Variants in PHYHIPL observed in about 807,000 individuals in gnomAD.
The protein encoded by PHYHIPL is phytanoyl-CoA hydroxylase-interacting protein-like.
PHYHIPL carries 9 observed loss-of-function variants against 33.4 expected under a neutral mutation model. That is an observed-to-expected ratio of 0.27 (90% CI 0.16 to 0.47). The LOEUF is 0.47. Among genes scored for constraint, PHYHIPL ranks in the 20% least tolerant of loss-of-function variants. PHYHIPL has a pLI of 0.99. For synonymous variants in PHYHIPL, 153 were observed against 154.1 expected (o/e 0.99, Z 0.05); for missense variants, 365 against 460.7 (o/e 0.79, Z 1.90).
chr10:59,183,804 G>T (rs1272514796), intron 1 of PHYHIPL: 1 of 345,328 alleles, frequency 2.9e-6, no homozygotes. Flanking sequence ...TACACCATTT[G>T]TTGTAGTGGT....
chr10:59,198,027 T>C (rs1467538110), intron 1 of PHYHIPL, among the ~76,000 whole-genome samples: 3 of 152,046 alleles, frequency 2.0e-5, no homozygotes, highest in Admixed American at 6.6e-5. Context: ...CTCTTTATTT[T>C]TTTTAAGTAT....
intron 1 of PHYHIPL, among the ~76,000 whole-genome samples, chr10:59,209,321 C>G (rs1464545743): frequency 6.6e-6 from 1 of 152,026 alleles, no homozygotes; most frequent in Admixed American, 6.6e-5. Flanking sequence ...TCATATCCAG[C>G]CAAATTAAGC....
chr10:59,232,720 A>T (rs1358997838), intron 1 of PHYHIPL, among the ~76,000 whole-genome samples: 2 of 150,862 alleles, frequency 1.3e-5, no homozygotes, highest in East Asian at 3.9e-4. Context: ...AATTATGTGG[A>T]CATAGTTATA....
chr10:59,210,585 C>T (rs1287888616), intron 1 of PHYHIPL, among the ~76,000 whole-genome samples: 1 of 152,144 alleles, frequency 6.6e-6, no homozygotes, highest in Non-Finnish European at 1.5e-5. Flanking sequence ...GGTGTATACT[C>T]AAAGGATTAT....
chr10:59,185,979 A>T (rs1378263564), intron 1 of PHYHIPL, among the ~76,000 whole-genome samples: 6 of 152,158 alleles, frequency 3.9e-5, no homozygotes, highest in Admixed American at 2.0e-4. Flanking sequence ...ATTAGATACT[A>T]TTTGTCAATT....
At chr10:59,229,673 CA>C (rs11379605) in intron 1 of PHYHIPL, among the ~76,000 whole-genome samples, 1 of 150,512 alleles carries the variant, frequency 6.6e-6, no homozygotes, top group Admixed American at 6.6e-5. Context: ...AATTCATAGA[CA>C]AAAAAAATAA....
rs1360183450 is a variant in PHYHIPL, at chr10:59,234,317, A to G, written c.120A>G (p.Gln40=). 3.2e-6 allele frequency: 5 copies of G among 1,584,690 alleles called. No individual in the cohort carries two copies. The highest frequency in any genetic ancestry group is 3.4e-6 in the Non-Finnish European group (4 of 1,170,722). ...GTTTTCTTGCAGGGAACAAATCACAAGACAGTGGCATAGCAGAGATGGAAG... is the reference window on the plus strand; with the variant it reads ...GTTTTCTTGCAGGGAACAAATCACAGGACAGTGGCATAGCAGAGATGGAAG... ...QLCDRDGNKS[Q]DSGIAEMEEL... is the part of the protein sequence containing the mutation. The change falls in exon 2 of 5, where the codon CAA becomes CAG. Residue 40 remains glutamine, a synonymous_variant. Transcript: ENST00000373880.
At chr10:59,210,964 T>G (rs1019788188) in intron 1 of PHYHIPL, among the ~76,000 whole-genome samples, 1 of 151,998 alleles carries the variant, frequency 6.6e-6, no homozygotes, top group African/African-American at 2.4e-5. Flanking sequence ...TTAGGAGAAA[T>G]TCCTAATGTA....
intron 1 of PHYHIPL, among the ~76,000 whole-genome samples, chr10:59,203,984 G>A (rs574748627): frequency 2.6e-5 from 4 of 152,168 alleles, no homozygotes; most frequent in Admixed American, 1.3e-4. Flanking sequence ...GTTATTTTCC[G>A]TTTACTAGAA....
chr10:59,233,898 G>C (rs374763552), intron 1 of PHYHIPL, among the ~76,000 whole-genome samples: 1 of 151,688 alleles, frequency 6.6e-6, no homozygotes, highest in South Asian at 2.1e-4. Context: ...TGAAAGAGGA[G>C]GGGGAATTTT....
intron 4 of PHYHIPL, among the ~76,000 whole-genome samples, chr10:59,241,043 A>G (rs1329144698): frequency 6.6e-6 from 1 of 152,132 alleles, no homozygotes; most frequent in Admixed American, 6.6e-5. Context: ...TATAAAATCC[A>G]TGTAAAATAT....
chr10:59,247,574 T>G lies in PHYHIPL; in HGVS notation c.*1983T>G. 6.2e-7 allele frequency: 1 copy of G among 1,611,446 alleles called. No individual in the cohort carries two copies. The highest frequency in any genetic ancestry group is 1.1e-5 in the South Asian group (1 of 90,502). Reference sequence around the variant, plus strand: ...ATGGCAGAGGAAAATAAACTTTACTTTATATCATGGGTGAAAGTGATCATA... The same window carrying G: ...ATGGCAGAGGAAAATAAACTTTACTGTATATCATGGGTGAAAGTGATCATA... On this transcript the variant is annotated 3_prime_UTR_variant, in exon 5 of 5. Transcript: ENST00000373880.
At chr10:59,211,260 C>T (rs1839430415) in intron 1 of PHYHIPL, among the ~76,000 whole-genome samples, 1 of 151,950 alleles carries the variant, frequency 6.6e-6, no homozygotes, top group African/African-American at 2.4e-5. Context: ...TACCTGTAGT[C>T]CTAGCCACTC....
rs571196153 is a variant in PHYHIPL at position 59,177,353 on chromosome 10, C to T, written c.106+394C>T. On this transcript the variant is annotated intron_variant, in intron 1 of 4. Coordinates refer to ENST00000373880, the MANE Select transcript of PHYHIPL (RefSeq NM_032439.4). ...TCGGGATGTTTCTAGCAACCCCCTT[C>T]CCCCAACACACACACACTAGTTGGC... is the stretch of plus-strand genomic sequence containing the variant. 6 of 947,688 alleles carry T rather than the reference C, an allele frequency of 6.3e-6. No individual in the cohort carries two copies. The South Asian group carries it at 9.6e-5, about 15-fold the overall frequency. 58.7% of individuals were successfully genotyped at this position (947,688 alleles called of 1,614,324 possible).
At chr10:59,190,186 T>C (rs1388858603) in intron 1 of PHYHIPL, among the ~76,000 whole-genome samples, 21 of 152,022 alleles carry the variant, frequency 1.4e-4, no homozygotes, top group Admixed American at 1.4e-3. Flanking sequence ...GTTGCTATTT[T>C]ATATCAGCTT....
chr10:59,211,501 C>T (rs182388799), intron 1 of PHYHIPL, among the ~76,000 whole-genome samples: 4 of 151,816 alleles, frequency 2.6e-5, no homozygotes, highest in African/African-American at 7.2e-5. Context: ...CTCAGCCTCC[C>T]GAGTAGCTAA....
intron 1 of PHYHIPL, among the ~76,000 whole-genome samples, chr10:59,228,119 A>G (rs1839980128): frequency 6.6e-6 from 1 of 152,038 alleles, no homozygotes; most frequent in Admixed American, 6.6e-5. Context: ...TTCAAAGATA[A>G]AAAAATAGAT....
intron 1 of PHYHIPL, among the ~76,000 whole-genome samples, chr10:59,226,755 A>C (rs191594349): frequency 5.0e-4 from 76 of 152,344 alleles, no homozygotes; most frequent in African/African-American, 1.8e-3. Context: ...AGGTTTGATA[A>C]GTATTTTTTC....
Position 59,176,821 on chromosome 10 carries a change from C to G in PHYHIPL, c.-33C>G, listed in dbSNP as rs1018699462. On this transcript the variant is annotated 5_prime_UTR_variant, in exon 1 of 5. Transcript: ENST00000373880. The stretch of plus-strand genomic sequence containing the variant: ...CCGGCCGGCAGAGAGAGCCTGGATA[C>G]GAAGCAGGCGGGCTTCAGAGTGGGT... The G allele has an allele frequency of 1.9e-6, 3 of 1,579,736 alleles. No individual in the cohort carries two copies. The African/African-American group carries it at 4.1e-5, about 21-fold the overall frequency.
Sources: allele counts gnomAD v4.1 joint callset (sites outside exome capture counted in the v4.1 genomes callset), GRCh38; gene constraint gnomAD v4.1.1; transcripts MANE v1.5; gene names NCBI Gene and HGNC (gene_info 2026-07-23, HGNC 2026-07-21).